Variants in SMAD9 observed in about 807,000 individuals in gnomAD.
SMAD9 encodes the protein SMAD family member 9, also known as MAD homolog 9.
SMAD9 carries 36 observed loss-of-function variants against 46.1 expected under a neutral mutation model. The ratio of observed to expected loss-of-function variants is 0.78; its 90% CI spans 0.60 to 1.03. The LOEUF (loss-of-function observed/expected upper bound fraction) is 1.03. Ranked by LOEUF, SMAD9 falls within the 50% of genes least tolerant of loss-of-function variation. The pLI is 0.00. For missense variants in SMAD9, 572 were observed against 599.8 expected (o/e 0.95, Z 0.48); for synonymous variants, 245 against 237.1 (o/e 1.03, Z -0.31).
intron 1 of SMAD9, among the ~76,000 whole-genome samples, chr13:36,904,421 T>C (rs1316993635): frequency 1.3e-5 from 2 of 152,172 alleles, no homozygotes; most frequent in African/African-American, 4.8e-5. Context: ...TCAGGGAAAA[T>C]GTATAATTGC....
At chr13:36,888,265 C>G (rs1409278256) in intron 1 of SMAD9, among the ~76,000 whole-genome samples, 3 of 152,114 alleles carry the variant, frequency 2.0e-5, no homozygotes, top group Non-Finnish European at 2.9e-5. Context: ...TTGCTGTTCT[C>G]GTGATAATGA....
rs938547869 is a variant in SMAD9 at position 36,873,212 on chromosome 13, A to C, written c.413-297T>G. Among the ~76,000 whole-genome samples the C allele has an allele frequency of 2.0e-5, 3 of 152,092 alleles. No individual in the cohort carries two copies. The East Asian group carries it at 5.8e-4, about 29-fold the overall frequency. On this transcript the variant is annotated intron_variant, in intron 2 of 6. Coordinates refer to ENST00000379826, the MANE Select transcript of SMAD9 (RefSeq NM_001127217.3). Reference sequence around the variant, plus strand: ...GGAGAAGGATCTTTCTAGTGTCAGCACTCTAAAGAGACCTGCTCTTTATTC... The same window carrying C: ...GGAGAAGGATCTTTCTAGTGTCAGCCCTCTAAAGAGACCTGCTCTTTATTC...
chr13:36,870,705 T>G (rs531036186), intron 3 of SMAD9, among the ~76,000 whole-genome samples: 1 of 126,146 alleles, frequency 7.9e-6, no homozygotes, highest in African/African-American at 3.4e-5. Flanking sequence ...ATATACTATG[T>G]TTTTTTTCCT....
intron 5 of SMAD9, among the ~76,000 whole-genome samples, chr13:36,865,255 TC>T (rs1473169391): frequency 2.0e-5 from 3 of 152,232 alleles, no homozygotes; most frequent in Non-Finnish European, 4.4e-5. Context: ...AATAATTTCA[TC>T]CGGCTTTCTT....
chr13:36,911,214 T>C (rs1032967487), intron 1 of SMAD9, among the ~76,000 whole-genome samples: 4 of 151,978 alleles, frequency 2.6e-5, no homozygotes, highest in Non-Finnish European at 5.9e-5. Context: ...TTCACCATGT[T>C]GTCCAGGCTG....
chr13:36,872,669 T>G lies in SMAD9; in HGVS notation c.659A>C (p.Tyr220Ser). The part of the protein sequence containing the change: ...PGSPSEPESP[Y>S]QHSVDTPPLP... ...TAGTTCTTACTGACCTGAGTGTTGATAGGGACTCTCTGGCTCAGAAGGACT... is the reference window on the plus strand; with the variant it reads ...TAGTTCTTACTGACCTGAGTGTTGAGAGGGACTCTCTGGCTCAGAAGGACT... The change falls in exon 3 of 7, where the codon TAT becomes TCT. Residue 220 changes from tyrosine (Y) to serine (S), a missense_variant. Physicochemically the swap from Tyr to Ser is moderately radical, Grantham distance 144. Coordinates refer to ENST00000379826, the MANE Select transcript of SMAD9 (RefSeq NM_001127217.3). The G allele has an allele frequency of 6.2e-7, 1 of 1,614,022 alleles. No individual in the cohort carries two copies. The highest frequency in any genetic ancestry group is 1.1e-5 in the South Asian group (1 of 91,070).
chr13:36,888,853 T>C (rs1452569502), intron 1 of SMAD9, among the ~76,000 whole-genome samples: 1 of 152,058 alleles, frequency 6.6e-6, no homozygotes, highest in Non-Finnish European at 1.5e-5. Context: ...TTTAATATAA[T>C]AGCTTAGAGA....
Position 36,879,635 on chromosome 13 carries a change from T to G in SMAD9, c.55A>C (p.Lys19Gln), listed in dbSNP as rs2058384172. Residue 19 changes from lysine to glutamine, a missense_variant, in exon 2 of 7, where the codon AAG becomes CAG. Lys to Gln is a moderately conservative substitution (Grantham distance 53). Transcript: ENST00000379826. ...CCTTGCTTCCAGCCTAGCAGTCTCT[T>G]CACTGCGGGGCTGGTGAAGGAGAAG... ...SLFSFTSPAV[K>Q]RLLGWKQGDE... 6.2e-7 allele frequency: 1 copy of G among 1,614,104 alleles called. No individual in the cohort carries two copies. The highest frequency in any genetic ancestry group is 8.5e-7 in the Non-Finnish European group (1 of 1,180,040).
upstream of SMAD9, chr13:36,920,606 T>A (rs1207095496): frequency 1.3e-5 from 2 of 151,928 alleles, no homozygotes; most frequent in Non-Finnish European, 1.5e-5. Context: ...TCTGCGTGGG[T>A]CGCCTCGCGT....
intron 5 of SMAD9, among the ~76,000 whole-genome samples, chr13:36,857,194 T>C (rs1323414766): frequency 7.4e-6 from 1 of 134,604 alleles, no homozygotes; most frequent in Non-Finnish European, 1.5e-5. Flanking sequence ...ATGAAATGCT[T>C]AAAAGAGACA....
Position 36,864,260 on chromosome 13 carries a change from T to C in SMAD9, c.1003+1277A>G, listed in dbSNP as rs1397210884. On this transcript the variant is annotated intron_variant, in intron 5 of 6. Transcript: ENST00000379826. Reference sequence around the variant, plus strand: ...CATTCCAGAGTGAGTTTTTCATTTCTTCCCTCCTTGTCAGGAAACCTAGAG... The same window carrying C: ...CATTCCAGAGTGAGTTTTTCATTTCCTCCCTCCTTGTCAGGAAACCTAGAG... Among the ~76,000 whole-genome samples, 5 of 152,364 alleles carry C rather than the reference T, an allele frequency of 3.3e-5. No individual in the cohort carries two copies. The South Asian group carries it at 1.0e-3, about 32-fold the overall frequency.
chr13:36,889,160 A>G (rs918013718), intron 1 of SMAD9, among the ~76,000 whole-genome samples: 3 of 151,992 alleles, frequency 2.0e-5, no homozygotes, highest in African/African-American at 7.2e-5. Context: ...GCAAAGATTC[A>G]TTTTTTCCCA....
At chr13:36,899,506 T>G (rs900125636) in intron 1 of SMAD9, among the ~76,000 whole-genome samples, 5 of 152,228 alleles carry the variant, frequency 3.3e-5, no homozygotes, top group African/African-American at 9.6e-5. Flanking sequence ...TCCAGATTTC[T>G]TGGGCACCTG....
In SMAD9 at chr13:36,879,542, C is replaced by CCTT. The variant is rs751217637; in HGVS notation, c.145_147dup (p.Lys49dup). 8 of 1,614,072 alleles carry CCTT rather than the reference C, an allele frequency of 5.0e-6. No homozygotes were observed. The highest frequency in any genetic ancestry group is 2.2e-5 in the East Asian group (1 of 44,868). ...GCCCTCTCCAGCTCGTCCATGGCTC[C>CCTT]CTTCTTCTTCTTTAACTTCTTCACT... On this transcript the variant is annotated inframe_insertion, in exon 2 of 7. Transcript: ENST00000379826.
chr13:36,882,635 G>C (rs936458557), intron 1 of SMAD9, among the ~76,000 whole-genome samples: 1 of 152,164 alleles, frequency 6.6e-6, no homozygotes, highest in Non-Finnish European at 1.5e-5. Context: ...GTTAAACTTA[G>C]AACTTCAAGA....
At chr13:36,867,453 T>C (rs1365261700) in intron 3 of SMAD9, 70 bp from the exon 4 acceptor site, 15 of 1,046,186 alleles carry the variant, frequency 1.4e-5, no homozygotes, top group Non-Finnish European at 1.8e-5. Flanking sequence ...GGATCCGACA[T>C]CTTTTGCCAT....
At chr13:36,869,143 C>T (rs962039484) in intron 3 of SMAD9, among the ~76,000 whole-genome samples, 3 of 151,662 alleles carry the variant, frequency 2.0e-5, no homozygotes, top group Non-Finnish European at 2.9e-5. Flanking sequence ...TAAATCAGTA[C>T]GGAGTTTCCG....
At chr13:36,865,824 C>T in intron 4 of SMAD9, 66 bp from the exon 5 acceptor site, 1 of 1,356,372 alleles carries the variant, frequency 7.4e-7, no homozygotes, top group East Asian at 2.4e-5. Context: ...TTCATGATTC[C>T]ACCAGGAAAC....
chr13:36,853,531 T>C lies in SMAD9; in HGVS notation c.1148A>G (p.Lys383Arg), dbSNP rs1351676640. The change falls in exon 6 of 7, where the codon AAG becomes AGG. Residue 383 changes from lysine to arginine, a missense_variant. Coordinates refer to ENST00000379826, the MANE Select transcript of SMAD9 (RefSeq NM_001127217.3). ...VCKIPSGCSL[K>R]VFNNQLFAQL... ...AGCGAAGAGCTGGTTGTTGAAGACCTTGAGGCTGCAGCCGCTGGGGATCTT... is the reference window on the plus strand; with the variant it reads ...AGCGAAGAGCTGGTTGTTGAAGACCCTGAGGCTGCAGCCGCTGGGGATCTT... 1 of 1,614,040 alleles carries C rather than the reference T, an allele frequency of 6.2e-7. No individual in the cohort carries two copies. Among genetic ancestry groups the C allele is most frequent in the African/African-American group, 1.3e-5 (1 of 74,930 alleles).
Sources: gnomAD v4.1 joint callset for allele counts (sites outside exome capture counted in the v4.1 genomes callset) on GRCh38, gnomAD v4.1.1 for gene constraint, MANE v1.5 for transcripts, NCBI Gene and HGNC (gene_info 2026-07-23, HGNC 2026-07-21) for gene names.